CD47: variants seen among roughly 807,000 people sequenced by gnomAD.
The protein encoded by CD47 is CD47 molecule, also known as leukocyte surface antigen CD47.
A neutral mutation model predicts 44.6 loss-of-function variants in CD47; 11 were observed. The observed-to-expected ratio is 0.25, with a 90% CI of 0.16 to 0.41. The LOEUF (loss-of-function observed/expected upper bound fraction) is 0.41. Among genes scored for constraint, CD47 ranks in the 10% least tolerant of loss-of-function variants. CD47 has a pLI of 1.00. For synonymous variants in CD47, 140 were observed against 136.3 expected (o/e 1.03, Z -0.19); for missense variants, 306 against 386.7 (o/e 0.79, Z 1.75).
At chr3:108,090,612 CG>C (rs1288125158) in intron 1 of CD47, among the ~76,000 whole-genome samples, 1 of 152,152 alleles carries the variant, frequency 6.6e-6, no homozygotes, top group Admixed American at 6.5e-5. Flanking sequence ...GATGGAGAAC[CG>C]GGTGGAGGAG....
At chr3:108,086,725 G>A (rs1013379353) in intron 1 of CD47, among the ~76,000 whole-genome samples, 2 of 152,118 alleles carry the variant, frequency 1.3e-5, no homozygotes, top group African/African-American at 4.8e-5. Context: ...GGACATTTTG[G>A]TTCTTGAGGT....
intron 3 of CD47, among the ~76,000 whole-genome samples, chr3:108,062,389 A>AC (rs1457507748): frequency 6.6e-6 from 1 of 152,194 alleles, no homozygotes; most frequent in African/African-American, 2.4e-5. Flanking sequence ...GACATATGTC[A>AC]CATTTTCCAT....
intron 3 of CD47, among the ~76,000 whole-genome samples, chr3:108,066,856 G>A (rs1363806974): frequency 6.6e-6 from 1 of 152,206 alleles, no homozygotes; most frequent in African/African-American, 2.4e-5. Context: ...TGAGGAAAGT[G>A]AGGAGGATGT....
At chr3:108,052,787 T>A (rs184112584) in intron 7 of CD47, 8 of 152,408 alleles carry the variant, frequency 5.2e-5, no homozygotes, top group Admixed American at 5.2e-4. Flanking sequence ...CAACCCTGTC[T>A]CTACCAAAAA....
At chr3:108,063,752 T>C (rs1452795127) in intron 3 of CD47, among the ~76,000 whole-genome samples, 1 of 152,234 alleles carries the variant, frequency 6.6e-6, no homozygotes, top group Non-Finnish European at 1.5e-5. Context: ...TTCAGACGGC[T>C]TGGCAAGGCA....
At chr3:108,050,702 C>A in intron 8 of CD47, 100 bp from the exon 9 acceptor site, 1 of 523,460 alleles carries the variant, frequency 1.9e-6, no homozygotes, top group Non-Finnish European at 3.4e-6. Flanking sequence ...ACGTAGTAAG[C>A]AGTAAATCCT....
intron 10 of CD47, 100 bp from the exon 11 acceptor site, chr3:108,047,392 A>G (rs2078737577): frequency 1.3e-6 from 1 of 757,988 alleles, no homozygotes; most frequent in African/African-American, 1.8e-5. Flanking sequence ...TATAGTATCT[A>G]AAAATTAAGA....
intron 1 of CD47, among the ~76,000 whole-genome samples, chr3:108,082,697 T>C (rs1162017476): frequency 6.6e-6 from 1 of 151,996 alleles, no homozygotes; most frequent in East Asian, 1.9e-4. Flanking sequence ...AAGTAGTTGG[T>C]GAACAATCCA....
chr3:108,062,045 T>A (rs1309139649), intron 3 of CD47, among the ~76,000 whole-genome samples: 1 of 152,162 alleles, frequency 6.6e-6, no homozygotes, highest in Non-Finnish European at 1.5e-5. Context: ...AATTTTAGTC[T>A]CTTTATGGGG....
intron 5 of CD47, 133 bp downstream of exon 5, chr3:108,059,318 GA>G: frequency 2.2e-6 from 1 of 449,716 alleles, no homozygotes; most frequent in Non-Finnish European, 4.0e-6. Context: ...ATGTCACTAA[GA>G]ATAGCATGAA....
intron 3 of CD47, among the ~76,000 whole-genome samples, chr3:108,070,490 C>T (rs976941537): frequency 6.6e-6 from 1 of 152,150 alleles, no homozygotes; most frequent in Non-Finnish European, 1.5e-5. Context: ...GAAGCTAAAT[C>T]TAATGCAGCA....
chr3:108,065,484 G>A (rs1269461747), intron 3 of CD47, among the ~76,000 whole-genome samples: 2 of 152,056 alleles, frequency 1.3e-5, no homozygotes, highest in Admixed American at 1.3e-4. Flanking sequence ...CAGGACCAAG[G>A]GAAAGCACTG....
chr3:108,052,761 C>G (rs1356349910), intron 7 of CD47: 1 of 152,380 alleles, frequency 6.6e-6, no homozygotes, highest in Non-Finnish European at 1.5e-5. Flanking sequence ...TCAAGACCAG[C>G]CTGGGCAACA....
intron 2 of CD47, among the ~76,000 whole-genome samples, chr3:108,079,594 A>C (rs74476542): frequency 5.9e-4 from 86 of 146,432 alleles, no homozygotes; most frequent in Non-Finnish European, 9.7e-4. Flanking sequence ...AAAAAAAAAA[A>C]ACACAAAAAA....
At chr3:108,047,671 A>G (rs1415534676) in intron 10 of CD47, among the ~76,000 whole-genome samples, 1 of 152,190 alleles carries the variant, frequency 6.6e-6, no homozygotes, top group Admixed American at 6.5e-5. Context: ...CTGTAGATGA[A>G]AGAGAAAAAT....
In CD47 at chr3:108,071,180, A is replaced by C. The variant is rs2079193872; in HGVS notation, c.403T>G (p.Ser135Ala). The change falls in exon 3 of 11, where the codon TCA becomes GCA. Residue 135 changes from serine (S) to alanine (A), a missense_variant and splice_region_variant. Ser to Ala is a moderately conservative substitution (Grantham distance 99, BLOSUM62 1). Around this residue, in one of 5 missense-constraint regions of CD47, gnomAD observed 65 missense variants for 119.9 expected, o/e 0.54. Coordinates refer to ENST00000361309, the MANE Select transcript of CD47 (RefSeq NM_001777.4). ...TIIELKYRVV[S>A]WFSPNENILI... ...ATATTTTCATTTGGAGAAAACCATG[A>C]AACTGGGGAAGAAGAAAACAAAAGT... 1 of 1,398,340 alleles carries C rather than the reference A, an allele frequency of 7.2e-7. No homozygotes were observed. Among genetic ancestry groups the C allele is most frequent in the African/African-American group, 1.4e-5 (1 of 69,306 alleles). The allele number at this position is 1,398,340 out of a possible 1,614,324, so 86.6% of individuals were successfully genotyped here.
intron 1 of CD47, among the ~76,000 whole-genome samples, chr3:108,086,468 A>G (rs1392874775): frequency 6.6e-6 from 1 of 152,158 alleles, no homozygotes; most frequent in Non-Finnish European, 1.5e-5. Flanking sequence ...TAGTATGTGT[A>G]GCTAGTTAGA....
At chr3:108,084,414 T>C (rs186586870) in intron 1 of CD47, among the ~76,000 whole-genome samples, 1 of 152,204 alleles carries the variant, frequency 6.6e-6, no homozygotes, top group Non-Finnish European at 1.5e-5. Flanking sequence ...GTTTGCTTTC[T>C]TTGTTGAAAT....
rs1478724680 is a variant in CD47 at position 108,052,137 on chromosome 3, C to T, written c.878-167G>A. On this transcript the variant is annotated intron_variant, in intron 7 of 10. Coordinates refer to ENST00000361309, the MANE Select transcript of CD47 (RefSeq NM_001777.4). ...AGTCTATTCAAACATGCTGAATATT[C>T]TTGATTATATACACTGATTTGAAAA... 3 of 491,904 alleles carry T rather than the reference C, an allele frequency of 6.1e-6. No individual in the cohort carries two copies. In the South Asian group the frequency reaches 7.3e-5, roughly 12 times the overall value. 30.5% of individuals were successfully genotyped at this position (491,904 alleles called of 1,614,324 possible). A position where few individuals can be genotyped will look rare whatever the true frequency, so the allele number is the denominator to read the frequency against.
Sources: allele counts gnomAD v4.1 joint callset (sites outside exome capture counted in the v4.1 genomes callset), GRCh38; gene constraint gnomAD v4.1.1; regional missense constraint gnomAD v4.1.1; transcripts MANE v1.5; gene names NCBI Gene and HGNC (gene_info 2026-07-23, HGNC 2026-07-21).